ROBO1: variants seen among roughly 807,000 people sequenced by gnomAD.
ROBO1 encodes roundabout guidance receptor 1, also known as roundabout homolog 1.
A neutral mutation model predicts 195.9 loss-of-function variants in ROBO1; 149 were observed. The ratio of observed to expected loss-of-function variants is 0.76; its 90% CI spans 0.67 to 0.87. The LOEUF (loss-of-function observed/expected upper bound fraction) is 0.87, where lower values mean the gene tolerates loss of function less well. ROBO1 is among the 40% of genes least tolerant of loss of function. ROBO1 has a pLI of 0.00. For synonymous variants in ROBO1, 816 were observed against 733.2 expected, an observed-to-expected ratio of 1.11 and a Z score of -1.82; for missense variants, 1,933 against 2,068.3, an observed-to-expected ratio of 0.93 and a Z score of 1.27.
At chr3:78,635,550 A>G (rs1388028104) in intron 23 of ROBO1, among the ~76,000 whole-genome samples, 14 of 152,116 alleles carry the variant, frequency 9.2e-5, no homozygotes, top group Admixed American at 9.2e-4. Flanking sequence ...TAATCTCAAA[A>G]CCATTTGAAA....
At chr3:78,665,711 C>T (rs1707691544) in intron 14 of ROBO1, among the ~76,000 whole-genome samples, 3 of 152,000 alleles carry the variant, frequency 2.0e-5, no homozygotes, top group Admixed American at 2.0e-4. Context: ...TATTCTTTGT[C>T]CAATCCCGAG....
chr3:78,636,867 G>GTTT (rs1705532021), intron 22 of ROBO1, among the ~76,000 whole-genome samples: 2 of 144,190 alleles, frequency 1.4e-5, no homozygotes. Context: ...TTCCACTCCA[G>GTTT]TTTTCTCTCT....
At chr3:79,488,446 T>C (rs572520047) in intron 2 of ROBO1, among the ~76,000 whole-genome samples, 14 of 152,144 alleles carry the variant, frequency 9.2e-5, no homozygotes, top group Non-Finnish European at 1.9e-4. Context: ...CATATGAAGA[T>C]AGAGACTGAG....
intron 2 of ROBO1, among the ~76,000 whole-genome samples, chr3:79,540,896 C>A (rs1942042342): frequency 6.6e-6 from 1 of 152,038 alleles, no homozygotes; most frequent in African/African-American, 2.4e-5. Flanking sequence ...AATATTTGAG[C>A]AAATACTACC....
intron 4 of ROBO1, among the ~76,000 whole-genome samples, chr3:78,800,482 C>G (rs1415961765): frequency 6.6e-6 from 1 of 152,190 alleles, no homozygotes; most frequent in African/African-American, 2.4e-5. Flanking sequence ...ATGACTTACC[C>G]TCACCCGTAA....
At chr3:78,738,498 G>C (rs1429411785) in intron 5 of ROBO1, among the ~76,000 whole-genome samples, 1 of 152,116 alleles carries the variant, frequency 6.6e-6, no homozygotes, top group Non-Finnish European at 1.5e-5. Context: ...AAATGATACA[G>C]ATAAAACCCT....
chr3:79,560,113 G>T (rs556251782), intron 2 of ROBO1, among the ~76,000 whole-genome samples: 2 of 151,888 alleles, frequency 1.3e-5, no homozygotes, highest in Admixed American at 1.3e-4. Flanking sequence ...GTGATTAATA[G>T]AGAATTTCTA....
chr3:79,208,653 T>G (rs556198979), intron 2 of ROBO1, among the ~76,000 whole-genome samples: 1 of 151,408 alleles, frequency 6.6e-6, no homozygotes, highest in Non-Finnish European at 1.5e-5. Flanking sequence ...TGCAAGAAAG[T>G]TAATATAGTT....
intron 2 of ROBO1, among the ~76,000 whole-genome samples, chr3:79,585,812 T>G (rs1468743694): frequency 6.6e-6 from 1 of 151,976 alleles, no homozygotes; most frequent in African/African-American, 2.4e-5. Context: ...TCTCAGGTGC[T>G]TCTGAATGTT....
At chr3:79,653,219 T>G (rs1461256975) in intron 1 of ROBO1, among the ~76,000 whole-genome samples, 1 of 151,874 alleles carries the variant, frequency 6.6e-6, no homozygotes, top group Admixed American at 6.6e-5. Flanking sequence ...TATATTTCAT[T>G]ATAATTTCAT....
chr3:78,896,213 CAGAG>C (rs1226061949), intron 4 of ROBO1, among the ~76,000 whole-genome samples: 2 of 152,264 alleles, frequency 1.3e-5, no homozygotes, highest in Admixed American at 1.3e-4. Context: ...AGAATACACT[CAGAG>C]AGAATTACAT....
intron 4 of ROBO1, among the ~76,000 whole-genome samples, chr3:78,898,343 A>T (rs2037367127): frequency 6.8e-6 from 1 of 147,802 alleles, no homozygotes; most frequent in Admixed American, 6.7e-5. Context: ...AGAGAGAGAG[A>T]CAGATATATA....
intron 1 of ROBO1, among the ~76,000 whole-genome samples, chr3:79,716,064 A>T (rs1046606962): frequency 1.4e-4 from 21 of 152,222 alleles, no homozygotes; most frequent in African/African-American, 5.0e-4. Flanking sequence ...CTTTATAAAA[A>T]GTTATAGAGG....
At chr3:78,908,689 C>A (rs767521721) in intron 4 of ROBO1, among the ~76,000 whole-genome samples, 5 of 151,820 alleles carry the variant, frequency 3.3e-5, no homozygotes, top group Non-Finnish European at 7.4e-5. Flanking sequence ...CAAACTGCTA[C>A]AGCCATTAAA....
intron 2 of ROBO1, among the ~76,000 whole-genome samples, chr3:79,557,102 A>T (rs888826204): frequency 6.6e-6 from 1 of 151,172 alleles, no homozygotes; most frequent in Non-Finnish European, 1.5e-5. Flanking sequence ...ATTTTTAGAG[A>T]ATAAAAGAAG....
chr3:79,703,015 T>TAAAA (rs1337182193), intron 1 of ROBO1, among the ~76,000 whole-genome samples: 1 of 151,864 alleles, frequency 6.6e-6, no homozygotes, highest in Non-Finnish European at 1.5e-5. Context: ...GGATATAAGT[T>TAAAA]AAGAAGCATG....
At chr3:79,438,944 T>G (rs2038969876) in intron 2 of ROBO1, among the ~76,000 whole-genome samples, 2 of 152,084 alleles carry the variant, frequency 1.3e-5, no homozygotes, top group South Asian at 4.1e-4. Flanking sequence ...ATGAAATCCT[T>G]CCCTTTAAGC....
intron 4 of ROBO1, among the ~76,000 whole-genome samples, chr3:78,937,736 T>C (rs1398964406): frequency 1.3e-5 from 2 of 152,172 alleles, no homozygotes; most frequent in Admixed American, 1.3e-4. Flanking sequence ...ATAAAACTAC[T>C]TGAGGATAAC....
chr3:79,451,889 C>G (rs2039452545), intron 2 of ROBO1, among the ~76,000 whole-genome samples: 1 of 151,752 alleles, frequency 6.6e-6, no homozygotes, highest in Admixed American at 6.6e-5. Context: ...ATGCTTAACA[C>G]AACTTTCTGC....
Sources: allele counts gnomAD v4.1 joint callset (sites outside exome capture counted in the v4.1 genomes callset), GRCh38; gene constraint gnomAD v4.1.1; transcripts MANE v1.5; gene names NCBI Gene and HGNC (gene_info 2026-07-23, HGNC 2026-07-21).